The following THSD7B variants were observed in gnomAD, a reference collection of about 807,000 sequenced individuals.
The protein encoded by THSD7B is thrombospondin type 1 domain containing 7B.
In THSD7B, 138 loss-of-function variants were observed where a neutral mutation model predicts 213.6. The observed-to-expected ratio is 0.65, with a 90% CI of 0.56 to 0.74. THSD7B has a LOEUF of 0.74. Ranked by LOEUF, THSD7B falls within the 30% of genes least tolerant of loss-of-function variation. THSD7B has a pLI of 0.00. For missense variants in THSD7B, 1,931 were observed against 1,991.5 expected (o/e 0.97, Z 0.58); for synonymous variants, 742 against 687.0 (o/e 1.08, Z -1.25).
intron 2 of THSD7B, among the ~76,000 whole-genome samples, chr2:136,994,580 G>A (rs1302412729): frequency 6.6e-6 from 1 of 152,076 alleles, no homozygotes; most frequent in Admixed American, 6.6e-5. Context: ...ATCTAAGAAA[G>A]CCTATGTTGA....
chr2:137,660,339 T>A (rs72844585), intron 25 of THSD7B, among the ~76,000 whole-genome samples: 15,418 of 152,216 alleles, frequency 0.1, 996 homozygotes, highest in Non-Finnish European at 0.15. Context: ...ACTCATGGTG[T>A]GCAGTGCACT....
At chr2:136,992,652 A>G (rs1200104174) in intron 2 of THSD7B, among the ~76,000 whole-genome samples, 3 of 152,194 alleles carry the variant, frequency 2.0e-5, no homozygotes, top group African/African-American at 7.2e-5. Context: ...AGGTAGGACA[A>G]TTGCACACTT....
intron 26 of THSD7B, among the ~76,000 whole-genome samples, chr2:137,666,932 C>A (rs1332817025): frequency 6.6e-6 from 1 of 152,050 alleles, no homozygotes; most frequent in Non-Finnish European, 1.5e-5. Context: ...TGTGTACTTG[C>A]AGACACATGG....
intron 12 of THSD7B, among the ~76,000 whole-genome samples, chr2:137,315,968 A>G (rs190991154): frequency 7.1e-4 from 108 of 152,228 alleles, no homozygotes; most frequent in Non-Finnish European, 1.1e-3. Context: ...AAAATTTTAG[A>G]TATCTTCTCT....
intron 2 of THSD7B, among the ~76,000 whole-genome samples, chr2:136,913,442 G>T (rs765590611): frequency 6.6e-6 from 1 of 152,254 alleles, no homozygotes; most frequent in African/African-American, 2.4e-5. Flanking sequence ...AAGTAGCAAG[G>T]AGCCTAATGT....
At chr2:136,845,406 G>T (rs1053103379) in intron 1 of THSD7B, among the ~76,000 whole-genome samples, 3 of 152,178 alleles carry the variant, frequency 2.0e-5, no homozygotes, top group African/African-American at 7.2e-5. Flanking sequence ...ATAAGCAAAA[G>T]AAGTTTTTCT....
At chr2:137,094,339 G>A (rs1210507208) in intron 3 of THSD7B, among the ~76,000 whole-genome samples, 1 of 152,186 alleles carries the variant, frequency 6.6e-6, no homozygotes, top group Non-Finnish European at 1.5e-5. Flanking sequence ...GGGAGGCCAA[G>A]GTGGGTGGAT....
intron 2 of THSD7B, among the ~76,000 whole-genome samples, chr2:137,037,939 AAT>A (rs1233619914): frequency 2.6e-5 from 4 of 151,986 alleles, no homozygotes; most frequent in Non-Finnish European, 5.9e-5. Context: ...GATAATCCCA[AAT>A]ATTTTATGTG....
chr2:136,846,920 T>C (rs16836983), intron 1 of THSD7B, among the ~76,000 whole-genome samples: 5,155 of 152,300 alleles, frequency 0.034, 147 homozygotes, highest in East Asian at 0.15. Context: ...TATATTCTCC[T>C]GGGTCTGTGT....
At chr2:136,951,599 A>G (rs757013474) in intron 2 of THSD7B, among the ~76,000 whole-genome samples, 11 of 152,232 alleles carry the variant, frequency 7.2e-5, no homozygotes, top group Non-Finnish European at 1.5e-4. Context: ...TTCTCACTCC[A>G]GCTTTCTTTC....
intron 15 of THSD7B, among the ~76,000 whole-genome samples, chr2:137,468,502 C>G (rs891285973): frequency 6.6e-6 from 1 of 151,488 alleles, no homozygotes; most frequent in Admixed American, 6.6e-5. Flanking sequence ...TATCTTCTAT[C>G]GCCATTATGA....
At chr2:137,117,552 A>T (rs1688466704) in intron 5 of THSD7B, among the ~76,000 whole-genome samples, 1 of 152,082 alleles carries the variant, frequency 6.6e-6, no homozygotes, top group East Asian at 1.9e-4. Flanking sequence ...TTCCTTTGTG[A>T]GTCACTATTG....
At chr2:137,350,957 A>G (rs1348794114) in intron 12 of THSD7B, among the ~76,000 whole-genome samples, 1 of 151,838 alleles carries the variant, frequency 6.6e-6, no homozygotes, top group South Asian at 2.1e-4. Context: ...CATCAGTTGA[A>G]CTCTGGATAT....
intron 3 of THSD7B, among the ~76,000 whole-genome samples, chr2:137,079,721 A>G (rs998770072): frequency 1.3e-5 from 2 of 152,224 alleles, no homozygotes; most frequent in African/African-American, 4.8e-5. Context: ...TTTTATTGAT[A>G]TGACAATTAT....
chr2:137,154,941 A>G (rs900256436), intron 5 of THSD7B, among the ~76,000 whole-genome samples: 1 of 152,222 alleles, frequency 6.6e-6, no homozygotes, highest in Non-Finnish European at 1.5e-5. Context: ...GGAGGAATTC[A>G]TTATTTAAGG....
intron 6 of THSD7B, among the ~76,000 whole-genome samples, chr2:137,169,170 A>C (rs1219879075): frequency 2.7e-5 from 4 of 150,882 alleles, no homozygotes; most frequent in Non-Finnish European, 4.4e-5. Context: ...ATCTTAGGAA[A>C]AAAAAAAAAA....
At chr2:137,360,418 C>T (rs190175202) in intron 12 of THSD7B, among the ~76,000 whole-genome samples, 17 of 152,270 alleles carry the variant, frequency 1.1e-4, no homozygotes, top group African/African-American at 3.6e-4. Context: ...GGCACTTCTT[C>T]CCCTGGGAAG....
At chr2:137,600,291 G>A (rs984368454) in intron 17 of THSD7B, among the ~76,000 whole-genome samples, 32 of 152,246 alleles carry the variant, frequency 2.1e-4, no homozygotes, top group African/African-American at 6.7e-4. Context: ...CCAGTCATGC[G>A]CCACATAACA....
At chr2:137,356,271 A>T (rs1291168150) in intron 12 of THSD7B, among the ~76,000 whole-genome samples, 1 of 152,120 alleles carries the variant, frequency 6.6e-6, no homozygotes, top group Non-Finnish European at 1.5e-5. Flanking sequence ...TACTTTCATG[A>T]TCCACCAACT....
Sources: gnomAD v4.1 joint callset for allele counts (sites outside exome capture counted in the v4.1 genomes callset) on GRCh38, gnomAD v4.1.1 for gene constraint, MANE v1.5 for transcripts, NCBI Gene and HGNC (gene_info 2026-07-23, HGNC 2026-07-21) for gene names.